The following NLGN4X variants were observed in gnomAD, a reference collection of about 807,000 sequenced individuals.
NLGN4X encodes the protein neuroligin 4 X-linked.
A neutral mutation model predicts 40.3 loss-of-function variants in NLGN4X; 3 were observed. That is an observed-to-expected ratio of 0.07 (90% CI 0.03 to 0.19). The LOEUF is 0.19. NLGN4X is among the 10% of genes least tolerant of loss of function. The pLI, the probability that NLGN4X is intolerant of heterozygous loss-of-function variation, is 1.00. For synonymous variants in NLGN4X, 270 were observed against 306.8 expected (o/e 0.88, Z 1.25); for missense variants, 382 against 708.3 (o/e 0.54, Z 5.23).
intron 2 of NLGN4X, among the ~76,000 whole-genome samples, chrX:6,135,485 A>AATGG (rs1335882790): frequency 2.7e-5 from 3 of 111,547 alleles, no homozygotes; most frequent in African/African-American, 9.7e-5. Context: ...TATAAGCAAC[A>AATGG]ATGGACATCA....
At chrX:5,988,179 T>C (rs1300047678) in intron 3 of NLGN4X, among the ~76,000 whole-genome samples, 1 of 112,183 alleles carries the variant, frequency 8.9e-6, no homozygotes, top group East Asian at 2.8e-4. Context: ...AGCTGATGAA[T>C]AGTCGTGAAT....
At chrX:6,082,949 T>TG (rs1569227356) in intron 2 of NLGN4X, among the ~76,000 whole-genome samples, 1 of 64,868 alleles carries the variant, frequency 1.5e-5, no homozygotes, top group African/African-American at 5.3e-5. Flanking sequence ...CCATGATGCG[T>TG]TTTTTTCTTT....
chrX:6,060,655 T>G (rs2037746124), intron 2 of NLGN4X, among the ~76,000 whole-genome samples: 1 of 111,884 alleles, frequency 8.9e-6, no homozygotes, highest in Non-Finnish European at 1.9e-5. Flanking sequence ...TGTTAGAATA[T>G]GACCTGGCTT....
At chrX:6,122,532 C>T (rs2039447678) in intron 2 of NLGN4X, among the ~76,000 whole-genome samples, 1 of 110,527 alleles carries the variant, frequency 9.0e-6, no homozygotes, top group Non-Finnish European at 1.9e-5. Context: ...CCGCGCCAGG[C>T]AGAGAGGTGG....
chrX:6,019,990 G>A (rs781081016), intron 3 of NLGN4X, among the ~76,000 whole-genome samples: 2 of 111,987 alleles, frequency 1.8e-5, no homozygotes, highest in African/African-American at 6.5e-5. Flanking sequence ...TTCTAAATAT[G>A]GTTATGCATG....
intron 1 of NLGN4X, among the ~76,000 whole-genome samples, chrX:6,208,247 T>C: frequency 8.9e-6 from 1 of 112,275 alleles, no homozygotes; most frequent in Non-Finnish European, 1.9e-5. Flanking sequence ...ATTTGGAACA[T>C]GATTTTGCCC....
Position 5,890,729 on chromosome X carries a change from T to C in NLGN4X, c.*2088A>G, listed in dbSNP as rs1372950575. 1 of 306,586 alleles carries C rather than the reference T, an allele frequency of 3.3e-6. No homozygotes were observed. The highest frequency in any genetic ancestry group is 6.2e-6 in the Non-Finnish European group (1 of 161,370). The allele number at this position is 306,586 out of a possible 1,213,427, so 25.3% of individuals were successfully genotyped here. A position where few individuals can be genotyped will look rare whatever the true frequency, so the allele number is the denominator to read the frequency against. On this transcript the variant is annotated 3_prime_UTR_variant, in exon 6 of 6. Coordinates refer to ENST00000381095, the MANE Select transcript of NLGN4X (RefSeq NM_181332.3). ...GAAATGTTGCTTCACGTGTGCTAAG[T>C]TGAGATAATAATATTTCACATATTT...
Position 5,890,043 on chromosome X carries a change from T to C in NLGN4X, c.*2774A>G, listed in dbSNP as rs1454522925. The C allele has an allele frequency of 4.9e-6, 1 of 205,787 alleles. No homozygotes were observed. The highest frequency in any genetic ancestry group is 6.2e-5 in the South Asian group (1 of 16,070). 17.0% of individuals were successfully genotyped at this position (205,787 alleles called of 1,213,427 possible). On this transcript the variant is annotated 3_prime_UTR_variant, in exon 6 of 6. Coordinates refer to ENST00000381095, the MANE Select transcript of NLGN4X (RefSeq NM_181332.3). ...ACGCATAATTATTTGCACAAAGCAT[T>C]AGAAAATACTGTGATATTTTATTAT... is the stretch of plus-strand genomic sequence containing the variant.
At chrX:6,068,823 A>G (rs2037987246) in intron 2 of NLGN4X, among the ~76,000 whole-genome samples, 1 of 111,667 alleles carries the variant, frequency 9.0e-6, no homozygotes, top group African/African-American at 3.3e-5. Flanking sequence ...GCAACGACGT[A>G]TTTGAACACT....
intron 1 of NLGN4X, among the ~76,000 whole-genome samples, chrX:6,190,267 A>C (rs979175040): frequency 2.7e-5 from 3 of 111,944 alleles, no homozygotes; most frequent in African/African-American, 9.7e-5. Context: ...ATCTTCTAGA[A>C]TCAAGGAAAA....
chrX:5,900,912 C>T (rs2031823286), intron 5 of NLGN4X, among the ~76,000 whole-genome samples: 1 of 111,034 alleles, frequency 9.0e-6, no homozygotes, highest in African/African-American at 3.3e-5. Flanking sequence ...CTGATAACAG[C>T]AGTCCCAACA....
At chrX:6,072,243 G>A (rs1362623240) in intron 2 of NLGN4X, among the ~76,000 whole-genome samples, 3 of 111,065 alleles carry the variant, frequency 2.7e-5, no homozygotes, top group Non-Finnish European at 5.6e-5. Context: ...TAAGACTGCA[G>A]ATCCTGGCCT....
At chrX:6,060,256 G>A (rs957774796) in intron 2 of NLGN4X, among the ~76,000 whole-genome samples, 4 of 111,699 alleles carry the variant, frequency 3.6e-5, no homozygotes, top group Non-Finnish European at 7.5e-5. Flanking sequence ...TGTTTCATTC[G>A]TTTGTTATTT....
intron 1 of NLGN4X, among the ~76,000 whole-genome samples, chrX:6,220,869 C>T (rs1925612091): frequency 9.6e-6 from 1 of 104,611 alleles, no homozygotes; most frequent in African/African-American, 3.5e-5. Flanking sequence ...TCCTGTATAG[C>T]TGGGATTACA....
At chrX:6,135,398 G>A (rs1211454002) in intron 2 of NLGN4X, among the ~76,000 whole-genome samples, 1 of 111,703 alleles carries the variant, frequency 9.0e-6, no homozygotes, top group Admixed American at 9.6e-5. Flanking sequence ...AATATCCTAG[G>A]TAAGGTTTTG....
intron 1 of NLGN4X, chrX:6,227,624 C>A (rs1295124852): frequency 9.0e-6 from 1 of 110,929 alleles, no homozygotes; most frequent in Admixed American, 9.5e-5. Context: ...GCCTCGAAAC[C>A]CACACACACG....
intron 1 of NLGN4X, among the ~76,000 whole-genome samples, chrX:6,210,161 G>C (rs1328938561): frequency 9.0e-6 from 1 of 111,294 alleles, no homozygotes; most frequent in Non-Finnish European, 1.9e-5. Context: ...GAGTTCAATA[G>C]AACTAATAAT....
chrX:5,926,789 T>TACACACACACACACACACACAC (rs3072083), intron 3 of NLGN4X, among the ~76,000 whole-genome samples: 5 of 93,055 alleles, frequency 5.4e-5, no homozygotes, highest in African/African-American at 2.0e-4. Flanking sequence ...CTAGAGAGCA[T>TACACACACACACACACACACAC]ACACACACAC....
At chrX:6,135,416 T>G (rs1415989212) in intron 2 of NLGN4X, among the ~76,000 whole-genome samples, 1 of 111,916 alleles carries the variant, frequency 8.9e-6, no homozygotes, top group Non-Finnish European at 1.9e-5. Flanking sequence ...TTGCCCCAAG[T>G]TCATCTCCTC....
Sources: allele counts gnomAD v4.1 joint callset (sites outside exome capture counted in the v4.1 genomes callset), GRCh38; gene constraint gnomAD v4.1.1; transcripts MANE v1.5; gene names NCBI Gene and HGNC (gene_info 2026-07-23, HGNC 2026-07-21).